Variants in NDST3 observed in about 807,000 individuals in gnomAD.
NDST3 encodes bifunctional heparan sulfate N-deacetylase/N-sulfotransferase 3.
A neutral mutation model predicts 96.1 loss-of-function variants in NDST3; 58 were observed. The observed-to-expected ratio is 0.60, with a 90% CI of 0.49 to 0.75. The LOEUF (loss-of-function observed/expected upper bound fraction) is 0.75. Among genes scored for constraint, NDST3 ranks in the 30% least tolerant of loss-of-function variants. The pLI is 0.00. For missense variants in NDST3, 788 were observed against 1,034.2 expected (o/e 0.76, Z 3.27); for synonymous variants, 333 against 359.7 (o/e 0.93, Z 0.84).
intron 4 of NDST3, among the ~76,000 whole-genome samples, chr4:118,121,148 T>C (rs1731531109): frequency 6.6e-6 from 1 of 152,224 alleles, no homozygotes; most frequent in Non-Finnish European, 1.5e-5. Context: ...TAAAATGCTT[T>C]ATATCTTTCC....
Position 118,076,284 on chromosome 4 carries a change from T to G in NDST3, c.981+21393T>G, listed in dbSNP as rs561859807. Among the ~76,000 whole-genome samples the G allele has an allele frequency of 5.3e-5, 8 of 152,256 alleles. No homozygotes were observed. The South Asian group carries it at 1.7e-3, about 32-fold the overall frequency. Reference sequence around the variant, plus strand: ...TGATGACTATGTGTCTTGGGAAAGGTCATCTTGTATAGTATCTCACAGGGG... The same window carrying G: ...TGATGACTATGTGTCTTGGGAAAGGGCATCTTGTATAGTATCTCACAGGGG... On this transcript the variant is annotated intron_variant, in intron 2 of 13. Transcript: ENST00000296499.
chr4:118,150,092 C>T (rs2125914634), intron 6 of NDST3, among the ~76,000 whole-genome samples: 1 of 151,890 alleles, frequency 6.6e-6, no homozygotes, highest in East Asian at 1.9e-4. Context: ...AGCCTTGCAT[C>T]CCAGGGATGA....
intron 4 of NDST3, among the ~76,000 whole-genome samples, chr4:118,118,088 C>T (rs1012345418): frequency 7.9e-5 from 12 of 152,186 alleles, no homozygotes; most frequent in African/African-American, 2.9e-4. Flanking sequence ...ACAGAATCCA[C>T]TTTAATTCAA....
At chr4:118,148,886 T>C (rs1734160842) in intron 6 of NDST3, among the ~76,000 whole-genome samples, 1 of 152,208 alleles carries the variant, frequency 6.6e-6, no homozygotes, top group Admixed American at 6.5e-5. Flanking sequence ...AAGTAATTCC[T>C]GGTCTAACGT....
At chr4:118,072,711 CT>C (rs1181502011) in intron 2 of NDST3, among the ~76,000 whole-genome samples, 5 of 151,958 alleles carry the variant, frequency 3.3e-5, no homozygotes, top group Non-Finnish European at 7.4e-5. Context: ...ATTTGGATGC[CT>C]TTTGTTTCTT....
chr4:118,151,707 G>A (rs6853879), intron 6 of NDST3, among the ~76,000 whole-genome samples: 45,966 of 151,974 alleles, frequency 0.3, 7,465 homozygotes, highest in African/African-American at 0.39. Context: ...ATGGAAAATG[G>A]CTCCAAATCT....
intron 4 of NDST3, among the ~76,000 whole-genome samples, chr4:118,123,918 A>G (rs968034616): frequency 6.6e-6 from 1 of 152,190 alleles, no homozygotes; most frequent in Non-Finnish European, 1.5e-5. Flanking sequence ...GCTACCTTTT[A>G]TAGCCCTTTT....
chr4:118,151,119 C>G (rs1480603513), intron 6 of NDST3, among the ~76,000 whole-genome samples: 1 of 152,118 alleles, frequency 6.6e-6, no homozygotes, highest in Non-Finnish European at 1.5e-5. Context: ...TCATCATTCT[C>G]AGTAAACTAT....
chr4:118,075,878 T>C (rs1727486167), intron 2 of NDST3, among the ~76,000 whole-genome samples: 1 of 152,220 alleles, frequency 6.6e-6, no homozygotes, highest in African/African-American at 2.4e-5. Flanking sequence ...TAGTTTCTTT[T>C]GCTGTGCAGA....
At chr4:118,045,632 T>C (rs1460095835) in intron 1 of NDST3, among the ~76,000 whole-genome samples, 1 of 152,282 alleles carries the variant, frequency 6.6e-6, no homozygotes, top group East Asian at 1.9e-4. Context: ...AAGATAAACA[T>C]ATTGTTCAAA....
At chr4:118,107,134 A>C (rs1211126530) in intron 3 of NDST3, among the ~76,000 whole-genome samples, 1 of 152,014 alleles carries the variant, frequency 6.6e-6, no homozygotes, top group African/African-American at 2.4e-5. Context: ...TCATCTAATT[A>C]GCACCCAGTA....
In NDST3 at chr4:118,226,893, G is replaced by A; in HGVS notation, c.1730G>A (p.Cys577Tyr). 6.2e-7 allele frequency: 1 copy of A among 1,609,754 alleles called. No homozygotes were observed. Among genetic ancestry groups the A allele is most frequent in the Non-Finnish European group, 8.5e-7 (1 of 1,178,388 alleles). The change falls in exon 8 of 14, where the codon TGC becomes TAC. Residue 577 changes from cysteine to tyrosine, a missense_variant. Physicochemically the swap from Cys to Tyr is radical, Grantham distance 194. This residue lies in a region of NDST3 where 490 missense variants were observed against 708.8 expected (regional missense o/e 0.69). Transcript: ENST00000296499. ...DQKDPLWQNP[C>Y]DDKRHRDIWS... ...TGTTCTTCTCCCATTTAGAATCCTT[G>A]CGATGACAAACGCCACAGAGACATT...
Position 118,114,951 on chromosome 4 carries a change from A to G in NDST3, c.1215A>G (p.Lys405=). ...SLVEQMILNK[K]FALEHGIPTD... ...TGGAGCAGATGATTCTCAACAAAAA[A>G]TTTGCCTTAGTAAGTAACTCACTTT... Residue 405 remains lysine (K), a synonymous_variant, in exon 4 of 14, where the codon AAA becomes AAG. Transcript: ENST00000296499. 6.2e-7 allele frequency: 1 copy of G among 1,614,096 alleles called. No individual in the cohort carries two copies. Among genetic ancestry groups the G allele is most frequent in the South Asian group, 1.1e-5 (1 of 91,080 alleles).
At chr4:118,183,946 G>A (rs533013595) in intron 6 of NDST3, among the ~76,000 whole-genome samples, 159 of 152,244 alleles carry the variant, frequency 1.0e-3, no homozygotes, top group Non-Finnish European at 2.0e-3. Context: ...GATGTACCAC[G>A]GGGCACTCAC....
At chr4:118,152,860 C>T (rs1301393137) in intron 6 of NDST3, among the ~76,000 whole-genome samples, 5 of 152,196 alleles carry the variant, frequency 3.3e-5, no homozygotes, top group African/African-American at 9.6e-5. Context: ...CTGACTGCCT[C>T]GTCCGCTGGA....
chr4:118,241,448 C>G (rs79507153), intron 11 of NDST3, among the ~76,000 whole-genome samples: 5,936 of 152,124 alleles, frequency 0.039, 178 homozygotes, highest in African/African-American at 0.085. Context: ...GGCTTTGTGG[C>G]CTTTAATCCT....
chr4:118,231,275 G>T (rs545719408), intron 8 of NDST3, among the ~76,000 whole-genome samples: 1 of 151,678 alleles, frequency 6.6e-6, no homozygotes, highest in African/African-American at 2.4e-5. Context: ...GGCAGAGGTT[G>T]CAGTGAGCCC....
At chr4:118,240,981 G>A (rs1414623186) in intron 11 of NDST3, among the ~76,000 whole-genome samples, 3 of 152,158 alleles carry the variant, frequency 2.0e-5, no homozygotes, top group Non-Finnish European at 4.4e-5. Flanking sequence ...AAGTTTGAAA[G>A]AGAACCTCTT....
chr4:118,107,091 AAATAATAATAATAAT>A (rs148548944), intron 3 of NDST3, among the ~76,000 whole-genome samples: 1 of 145,244 alleles, frequency 6.9e-6, no homozygotes, highest in Non-Finnish European at 1.5e-5. Context: ...CTCCATCTCA[AAATAATAATAATAAT>A]AATAATCATC....
Sources: allele counts gnomAD v4.1 joint callset (sites outside exome capture counted in the v4.1 genomes callset), GRCh38; gene constraint gnomAD v4.1.1; regional missense constraint gnomAD v4.1.1; transcripts MANE v1.5; gene names NCBI Gene and HGNC (gene_info 2026-07-23, HGNC 2026-07-21).